ULK4: variants seen among roughly 807,000 people sequenced by gnomAD.
ULK4 encodes inactive serine/threonine-protein kinase ULK4.
ULK4 carries 133 observed loss-of-function variants against 160.6 expected under a neutral mutation model. That is an observed-to-expected ratio of 0.83 (90% confidence interval 0.72 to 0.96). The LOEUF is 0.96. Among genes scored for constraint, ULK4 ranks in the 40% least tolerant of loss-of-function variants. The pLI is 0.00. For missense variants in ULK4, 1,580 were observed against 1,499.5 expected (o/e 1.05, Z -0.89); for synonymous variants, 534 against 539.8 (o/e 0.99, Z 0.15).
chr3:41,577,599 C>T (rs1020776543), intron 31 of ULK4, among the ~76,000 whole-genome samples: 1 of 152,048 alleles, frequency 6.6e-6, no homozygotes, highest in African/African-American at 2.4e-5. Context: ...CCATCCCCAC[C>T]TCCCCCTCCA....
Position 41,897,001 on chromosome 3 carries a change from C to G in ULK4, c.1351G>C (p.Asp451His). The stretch of plus-strand genomic sequence containing the variant: ...TGATCTTTCAGAAATAATAACTTAT[C>G]CACTGCGATGGAAAGAAAATAATAA... ...KILHLPTYSV[D>H]KLLFLKDQDW... is the part of the protein sequence containing the mutation. The change falls in exon 15 of 37, where the codon GAT becomes CAT. Residue 451 changes from aspartate to histidine, a missense_variant and splice_region_variant. Coordinates refer to ENST00000301831, the MANE Select transcript of ULK4 (RefSeq NM_017886.4). The G allele has an allele frequency of 6.2e-7, 1 of 1,608,950 alleles. No homozygotes were observed. The highest frequency in any genetic ancestry group is 1.3e-5 in the African/African-American group (1 of 74,810).
At chr3:41,514,091 T>C (rs1179645866) in intron 32 of ULK4, among the ~76,000 whole-genome samples, 1 of 152,202 alleles carries the variant, frequency 6.6e-6, no homozygotes, top group Non-Finnish European at 1.5e-5. Context: ...CTGAACTAGA[T>C]ACCTAATAAA....
intron 16 of ULK4, among the ~76,000 whole-genome samples, chr3:41,884,631 C>T (rs78763612): frequency 6.6e-6 from 1 of 152,134 alleles, no homozygotes; most frequent in African/African-American, 2.4e-5. Context: ...TTAGTGATGT[C>T]TGCATGTTGT....
chr3:41,411,362 AT>A (rs2082405025), intron 34 of ULK4, among the ~76,000 whole-genome samples: 1 of 151,910 alleles, frequency 6.6e-6, no homozygotes, highest in Admixed American at 6.6e-5. Flanking sequence ...TAGAGGCTTT[AT>A]CTGCATGTTA....
intron 32 of ULK4, among the ~76,000 whole-genome samples, chr3:41,565,573 T>C (rs1328280286): frequency 6.6e-6 from 1 of 152,178 alleles, no homozygotes; most frequent in African/African-American, 2.4e-5. Context: ...CCCCTCACCA[T>C]GTGATGCCCT....
chr3:41,332,893 G>A (rs6786683), intron 35 of ULK4, among the ~76,000 whole-genome samples: 24,484 of 152,172 alleles, frequency 0.16, 2,437 homozygotes, highest in African/African-American at 0.27. Flanking sequence ...ACTTACAAGT[G>A]AGAACATGCA....
chr3:41,809,716 T>C (rs1179357848), intron 19 of ULK4, among the ~76,000 whole-genome samples: 1 of 152,192 alleles, frequency 6.6e-6, no homozygotes, highest in Admixed American at 6.5e-5. Context: ...TCTAAATTAA[T>C]AACCTTTACT....
intron 34 of ULK4, among the ~76,000 whole-genome samples, chr3:41,427,318 G>A (rs1257469090): frequency 6.6e-6 from 1 of 151,832 alleles, no homozygotes; most frequent in African/African-American, 2.4e-5. Flanking sequence ...ATTTACAGCT[G>A]AATTCTACCA....
intron 19 of ULK4, among the ~76,000 whole-genome samples, chr3:41,801,556 G>C (rs866768642): frequency 1.3e-5 from 2 of 150,970 alleles, no homozygotes; most frequent in Non-Finnish European, 3.0e-5. Flanking sequence ...GGAATAAAGA[G>C]AAAACCTTAT....
At chr3:41,931,262 G>A (rs865899881) in intron 5 of ULK4, among the ~76,000 whole-genome samples, 41 of 151,924 alleles carry the variant, frequency 2.7e-4, no homozygotes, top group African/African-American at 8.2e-4. Flanking sequence ...ATTCTCACTC[G>A]TAAGTGGGAG....
chr3:41,865,304 A>C (rs937221672), intron 17 of ULK4, among the ~76,000 whole-genome samples: 4 of 121,404 alleles, frequency 3.3e-5, no homozygotes, highest in Non-Finnish European at 7.0e-5. Flanking sequence ...AAAAAAAAAA[A>C]AGCCTTATCT....
intron 35 of ULK4, among the ~76,000 whole-genome samples, chr3:41,375,445 G>A (rs953848780): frequency 6.7e-6 from 1 of 149,930 alleles, no homozygotes; most frequent in Non-Finnish European, 1.5e-5. Context: ...TAGACCAATG[G>A]AACAGAACAG....
At chr3:41,421,323 C>A (rs1374904662) in intron 34 of ULK4, among the ~76,000 whole-genome samples, 3 of 152,098 alleles carry the variant, frequency 2.0e-5, no homozygotes, top group Non-Finnish European at 4.4e-5. Context: ...TATCATACTG[C>A]CTGCACCCTC....
intron 31 of ULK4, among the ~76,000 whole-genome samples, chr3:41,591,875 T>A (rs930083732): frequency 1.3e-5 from 2 of 152,150 alleles, no homozygotes; most frequent in African/African-American, 4.8e-5. Flanking sequence ...TCACTAATAA[T>A]AGATAAAAAA....
At chr3:41,348,549 A>C (rs1450213856) in intron 35 of ULK4, among the ~76,000 whole-genome samples, 1 of 152,124 alleles carries the variant, frequency 6.6e-6, no homozygotes, top group African/African-American at 2.4e-5. Context: ...AACAGCTAAA[A>C]ATCCTTCTGC....
intron 34 of ULK4, among the ~76,000 whole-genome samples, chr3:41,412,940 A>C (rs1376543814): frequency 6.6e-6 from 1 of 152,180 alleles, no homozygotes; most frequent in Non-Finnish European, 1.5e-5. Context: ...GTAACAAAAT[A>C]AACTGGAAAA....
intron 35 of ULK4, among the ~76,000 whole-genome samples, chr3:41,371,750 A>G (rs752046608): frequency 6.6e-6 from 1 of 152,088 alleles, no homozygotes. Flanking sequence ...CCAAATGATC[A>G]TAACTCCTCG....
At chr3:41,303,814 T>C (rs567739776) in intron 35 of ULK4, among the ~76,000 whole-genome samples, 41 of 152,126 alleles carry the variant, frequency 2.7e-4, no homozygotes, top group Non-Finnish European at 4.7e-4. Context: ...CCTGCAGTAG[T>C]ATCTGGGATT....
At chr3:41,343,683 G>A (rs148977847) in intron 35 of ULK4, among the ~76,000 whole-genome samples, 14 of 152,044 alleles carry the variant, frequency 9.2e-5, no homozygotes, top group African/African-American at 2.9e-4. Context: ...TGCAAAAATC[G>A]CTAGTATTCC....
Sources: gnomAD v4.1 joint callset for allele counts (sites outside exome capture counted in the v4.1 genomes callset) on GRCh38, gnomAD v4.1.1 for gene constraint, MANE v1.5 for transcripts, NCBI Gene and HGNC (gene_info 2026-07-23, HGNC 2026-07-21) for gene names.